DLGAP1: variants seen among roughly 807,000 people sequenced by gnomAD.
DLGAP1 encodes the protein disks large-associated protein 1.
In DLGAP1, 11 loss-of-function variants were observed where a neutral mutation model predicts 90.8. That is an observed-to-expected ratio of 0.12 (90% CI 0.08 to 0.20). The LOEUF is 0.20. Among genes scored for constraint, DLGAP1 ranks in the 10% least tolerant of loss-of-function variants. The pLI is 1.00. For missense variants in DLGAP1, 1,050 were observed against 1,333.8 expected (o/e 0.79, Z 3.31); for synonymous variants, 558 against 540.7 (o/e 1.03, Z -0.44).
intron 4 of DLGAP1, among the ~76,000 whole-genome samples, chr18:3,862,299 T>A (rs2070119550): frequency 6.6e-6 from 1 of 152,240 alleles, no homozygotes; most frequent in Non-Finnish European, 1.5e-5. Flanking sequence ...AACTGCCATA[T>A]CCATCTGCAC....
intron 3 of DLGAP1, among the ~76,000 whole-genome samples, chr18:3,935,441 C>T (rs1342249133): frequency 6.6e-6 from 1 of 152,130 alleles, no homozygotes; most frequent in African/African-American, 2.4e-5. Context: ...CAGTGGTAGG[C>T]AAATTGGATG....
intron 5 of DLGAP1, among the ~76,000 whole-genome samples, chr18:3,789,303 G>T (rs2065609204): frequency 6.6e-6 from 1 of 152,220 alleles, no homozygotes; most frequent in Non-Finnish European, 1.5e-5. Flanking sequence ...AGAGAGGAAA[G>T]AACAAGTAAG....
At chr18:3,550,734 CTTTTTTTTTT>C (rs1165404588) in intron 9 of DLGAP1, among the ~76,000 whole-genome samples, 1 of 85,204 alleles carries the variant, frequency 1.2e-5, no homozygotes, top group Non-Finnish European at 2.3e-5. Context: ...GAACCAGACC[CTTTTTTTTTT>C]TTTTTTTTTT....
intron 3 of DLGAP1, among the ~76,000 whole-genome samples, chr18:3,972,942 G>A: frequency 6.6e-6 from 1 of 152,206 alleles, no homozygotes; most frequent in African/African-American, 2.4e-5. Flanking sequence ...TTCTAAAAGA[G>A]GCTCTATTCT....
At position 3,499,154 on chromosome 18, in the gene DLGAP1, G is replaced by A. The variant is rs2049795285; in HGVS notation, c.*31C>T. Reference sequence around the variant, plus strand: ...GCGGCCGGGGGAGGAGGGGACAGATGCTTGGCGGCGGCGGCCGGGCTGCGG... The same window carrying A: ...GCGGCCGGGGGAGGAGGGGACAGATACTTGGCGGCGGCGGCCGGGCTGCGG... On this transcript the variant is annotated 3_prime_UTR_variant, in exon 13 of 13. Coordinates refer to ENST00000315677, the MANE Select transcript of DLGAP1 (RefSeq NM_004746.4). The surrounding 1 kb of genome is among the most constrained non-coding windows in gnomAD (Gnocchi z 6.4). 6.6e-7 allele frequency: 1 copy of A among 1,520,592 alleles called. No individual in the cohort carries two copies. Among genetic ancestry groups the A allele is most frequent in the African/African-American group, 1.4e-5 (1 of 70,224 alleles). The allele number at this position is 1,520,592 out of a possible 1,614,324, so 94.2% of individuals were successfully genotyped here.
chr18:4,171,303 C>A (rs1314095280), intron 1 of DLGAP1, among the ~76,000 whole-genome samples: 1 of 151,814 alleles, frequency 6.6e-6, no homozygotes, highest in East Asian at 1.9e-4. Context: ...TGGGAGGCCA[C>A]GGCAGGCAGA....
chr18:3,600,851 T>TATATAGATATATAG (rs1568278673), intron 7 of DLGAP1, among the ~76,000 whole-genome samples: 6 of 69,572 alleles, frequency 8.6e-5, no homozygotes, highest in African/African-American at 3.3e-4. Context: ...TATATAGATA[T>TATATAGATATATAG]ATAGATATAT....
intron 1 of DLGAP1, among the ~76,000 whole-genome samples, chr18:4,269,348 A>ATT (rs1358148826): frequency 4.5e-5 from 6 of 133,478 alleles, no homozygotes; most frequent in South Asian, 2.3e-4. Context: ...ATATATATAT[A>ATT]TATATATTTT....
intron 1 of DLGAP1, among the ~76,000 whole-genome samples, chr18:4,187,085 T>C (rs1476949507): frequency 1.3e-5 from 2 of 152,198 alleles, no homozygotes. Flanking sequence ...ATGTTAGTGA[T>C]TTTTGTACGT....
rs115379055 is a variant in DLGAP1, at chr18:3,759,135, G to A, written c.1173-16623C>T. Among the ~76,000 whole-genome samples, 193 of 152,206 alleles carry A rather than the reference G, an allele frequency of 1.3e-3. 1 individual carries two copies. Among genetic ancestry groups the A allele is most frequent in the African/African-American group, 4.5e-3 (186 of 41,526 alleles). ...GGAGACATTGCTATTGTGAAGAGCT[G>A]TAGACTTTGGTATCTCCTAGAAGCT... On this transcript the variant is annotated intron_variant, in intron 5 of 12. Transcript: ENST00000315677.
chr18:3,621,911 A>G (rs1662394449), intron 7 of DLGAP1, among the ~76,000 whole-genome samples: 2 of 152,082 alleles, frequency 1.3e-5, no homozygotes, highest in Non-Finnish European at 2.9e-5. Context: ...GGCTGCAGTG[A>G]GCCGTGATTA....
At chr18:4,283,262 C>T (rs982241750) in intron 1 of DLGAP1, among the ~76,000 whole-genome samples, 2 of 152,122 alleles carry the variant, frequency 1.3e-5, no homozygotes, top group Non-Finnish European at 2.9e-5. Flanking sequence ...AGTTAAAGTG[C>T]TTTCAGAATA....
At chr18:4,195,886 C>A (rs555555467) in intron 1 of DLGAP1, among the ~76,000 whole-genome samples, 62 of 152,160 alleles carry the variant, frequency 4.1e-4, no homozygotes, top group African/African-American at 1.5e-3. Context: ...CTATTCTGCA[C>A]AACAGAGGAC....
intron 2 of DLGAP1, among the ~76,000 whole-genome samples, chr18:4,061,407 T>G (rs990520011): frequency 4.0e-4 from 61 of 152,258 alleles, no homozygotes; most frequent in African/African-American, 1.4e-3. Flanking sequence ...TGTGAACATA[T>G]TAGCTAAATT....
chr18:3,583,164 A>ACCTTCCTT (rs1555688508), intron 7 of DLGAP1, among the ~76,000 whole-genome samples: 30 of 127,362 alleles, frequency 2.4e-4, no homozygotes, highest in African/African-American at 6.7e-4. Context: ...CTACCTACCT[A>ACCTTCCTT]CCTACCTACC....
intron 2 of DLGAP1, among the ~76,000 whole-genome samples, chr18:4,128,410 G>A (rs989055970): frequency 3.3e-5 from 5 of 152,100 alleles, no homozygotes; most frequent in Non-Finnish European, 7.4e-5. Context: ...GGCCATGCTT[G>A]TTGCCAATTC....
At chr18:3,688,153 C>A (rs1030278334) in intron 7 of DLGAP1, among the ~76,000 whole-genome samples, 1 of 152,116 alleles carries the variant, frequency 6.6e-6, no homozygotes, top group Non-Finnish European at 1.5e-5. Flanking sequence ...TCAGGGGATC[C>A]AACGGCCTCG....
chr18:4,106,990 G>C (rs938151080), intron 2 of DLGAP1, among the ~76,000 whole-genome samples: 1 of 152,148 alleles, frequency 6.6e-6, no homozygotes, highest in Admixed American at 6.5e-5. Flanking sequence ...GAACGTTCTC[G>C]TCACATTCTG....
intron 3 of DLGAP1, among the ~76,000 whole-genome samples, chr18:3,942,993 T>C (rs1476876809): frequency 6.6e-6 from 1 of 151,670 alleles, no homozygotes; most frequent in Non-Finnish European, 1.5e-5. Context: ...ACCTAAGCAA[T>C]CTCTTGATGC....
Sources: allele counts gnomAD v4.1 joint callset (sites outside exome capture counted in the v4.1 genomes callset), GRCh38; gene constraint gnomAD v4.1.1; non-coding constraint Gnocchi (gnomAD v3.1); transcripts MANE v1.5; gene names NCBI Gene and HGNC (gene_info 2026-07-23, HGNC 2026-07-21).